Variants in PRICKLE1 observed in about 807,000 individuals in gnomAD.
PRICKLE1 encodes prickle-like protein 1.
A neutral mutation model predicts 70.2 loss-of-function variants in PRICKLE1; 14 were observed. The ratio of observed to expected loss-of-function variants is 0.20; its 90% CI spans 0.13 to 0.31. The LOEUF (loss-of-function observed/expected upper bound fraction) is 0.31. Ranked by LOEUF, PRICKLE1 falls within the 10% of genes least tolerant of loss-of-function variation. The pLI, the probability that PRICKLE1 is intolerant of heterozygous loss-of-function variation, is 1.00. For missense variants in PRICKLE1, 821 were observed against 1,026.2 expected, an observed-to-expected ratio of 0.80 and a Z score of 2.73; for synonymous variants, 357 against 379.9, an observed-to-expected ratio of 0.94 and a Z score of 0.70.
intron 1 of PRICKLE1, among the ~76,000 whole-genome samples, chr12:42,573,345 G>A (rs1940753518): frequency 6.6e-6 from 1 of 152,092 alleles, no homozygotes; most frequent in South Asian, 2.1e-4. Context: ...GCGCTGGGCT[G>A]CTTTAGAGGC....
chr12:42,459,145 AT>A lies in PRICKLE1; in HGVS notation c.*663del. The A allele has an allele frequency of 1.8e-6, 1 of 549,118 alleles. No individual in the cohort carries two copies. The highest frequency in any genetic ancestry group is 3.2e-6 in the Non-Finnish European group (1 of 307,706). 34.0% of individuals were successfully genotyped at this position (549,118 alleles called of 1,614,324 possible). On this transcript the variant is annotated 3_prime_UTR_variant, in exon 8 of 8. Transcript: ENST00000345127. ...CGGCTTACAATTCAGGGATATAAAA[AT>A]ATCAGCTTTAAAATCTGAACTGTAC...
intron 1 of PRICKLE1, among the ~76,000 whole-genome samples, chr12:42,564,636 C>A (rs116160172): frequency 2.2e-3 from 330 of 152,200 alleles, no homozygotes; most frequent in African/African-American, 7.8e-3. Context: ...AGAAATCTTT[C>A]TTGAGGTCAT....
intron 1 of PRICKLE1, among the ~76,000 whole-genome samples, chr12:42,497,898 T>C (rs1273868497): frequency 6.6e-6 from 1 of 152,200 alleles, no homozygotes; most frequent in Non-Finnish European, 1.5e-5. Context: ...GTCCCCACCC[T>C]GGACACGACC....
chr12:42,502,903 A>T lies in PRICKLE1; in HGVS notation c.-48-30339T>A, dbSNP rs115041694. On this transcript the variant is annotated intron_variant, in intron 1 of 7. Transcript: ENST00000345127. ...TTGAGGAGGAAAAATCCAGCTTCCAAGAAGAGTATGCAAACTTGCAGTTAA... is the reference window on the plus strand; with the variant it reads ...TTGAGGAGGAAAAATCCAGCTTCCATGAAGAGTATGCAAACTTGCAGTTAA... Among the ~76,000 whole-genome samples the T allele has an allele frequency of 2.8e-3, 433 of 152,334 alleles. 4 individuals carry two copies. The highest frequency in any genetic ancestry group is 9.1e-3 in the African/African-American group (380 of 41,590).
intron 1 of PRICKLE1, among the ~76,000 whole-genome samples, chr12:42,526,753 CA>C (rs55654226): frequency 0.034 from 4,642 of 137,854 alleles, 128 homozygotes; most frequent in African/African-American, 0.084. Flanking sequence ...TCCTCTAAGC[CA>C]AAAAAAAAAA....
At chr12:42,469,818 A>G (rs938199043) in intron 3 of PRICKLE1, 1 of 554,880 alleles carries the variant, frequency 1.8e-6, no homozygotes, top group Non-Finnish European at 3.1e-6. Context: ...TTAATTGAAA[A>G]CCCTTATCAA....
At chr12:42,533,384 TG>T (rs1939958670) in intron 1 of PRICKLE1, among the ~76,000 whole-genome samples, 1 of 152,220 alleles carries the variant, frequency 6.6e-6, no homozygotes, top group African/African-American at 2.4e-5. Flanking sequence ...TACTTGTCTT[TG>T]TTCTGCGTTT....
rs1332559797 is a variant in PRICKLE1, at chr12:42,477,391, ATATATATATATACACATAT to A, written c.-48-4846_-48-4828del. On this transcript the variant is annotated intron_variant, in intron 1 of 7. Coordinates refer to ENST00000345127, the MANE Select transcript of PRICKLE1 (RefSeq NM_153026.3). Reference sequence around the variant, plus strand: ...CTGTCTCAAAACAAAACAAAACAAAATATATATATATACACATATTATATATATGTATATACATATGTAT... The same window carrying A: ...CTGTCTCAAAACAAAACAAAACAAAATATATATATGTATATACATATGTAT... Among the ~76,000 whole-genome samples, 7 of 19,800 alleles carry A rather than the reference ATATATATATATACACATAT, an allele frequency of 3.5e-4. No homozygotes were observed. The Admixed American group carries it at 4.4e-3, about 13-fold the overall frequency. The allele number at this position is 19,800 out of a possible 152,430, so 13.0% of individuals were successfully genotyped here.
chr12:42,521,056 A>T (rs1294740761), intron 1 of PRICKLE1, among the ~76,000 whole-genome samples: 1 of 152,160 alleles, frequency 6.6e-6, no homozygotes, highest in Non-Finnish European at 1.5e-5. Context: ...CTGTAATCCC[A>T]ACTACTCAGG....
rs367700485 is a variant in PRICKLE1 at position 42,477,264 on chromosome 12, C to T, written c.-48-4700G>A. Among the ~76,000 whole-genome samples, 587 of 151,410 alleles carry T rather than the reference C, an allele frequency of 3.9e-3. 5 individuals carry two copies. Among genetic ancestry groups the T allele is most frequent in the Non-Finnish European group, 5.5e-3 (373 of 67,840 alleles). On this transcript the variant is annotated intron_variant, in intron 1 of 7. Coordinates refer to ENST00000345127, the MANE Select transcript of PRICKLE1 (RefSeq NM_153026.3). ...GTGCACACCTGTAATCCCAGCTACT[C>T]GAGAGGCTGAGGCAGGAGAATCACT...
At chr12:42,583,539 T>C (rs897869926) in intron 1 of PRICKLE1, among the ~76,000 whole-genome samples, 1 of 152,186 alleles carries the variant, frequency 6.6e-6, no homozygotes, top group African/African-American at 2.4e-5. Flanking sequence ...AGGCCTCCAA[T>C]AGCATTAGTT....
chr12:42,563,924 T>A (rs1940573373), intron 1 of PRICKLE1, among the ~76,000 whole-genome samples: 4 of 151,558 alleles, frequency 2.6e-5, no homozygotes, highest in Admixed American at 2.6e-4. Context: ...AAGTGAAATA[T>A]CATCAAAAAA....
At chr12:42,463,320 GA>G (rs1181916482) in intron 7 of PRICKLE1, among the ~76,000 whole-genome samples, 1 of 150,970 alleles carries the variant, frequency 6.6e-6, no homozygotes, top group Non-Finnish European at 1.5e-5. Flanking sequence ...AAAAAACTAG[GA>G]AAAAAAAGAA....
At chr12:42,532,970 C>T (rs934995899) in intron 1 of PRICKLE1, among the ~76,000 whole-genome samples, 1 of 151,942 alleles carries the variant, frequency 6.6e-6, no homozygotes, top group African/African-American at 2.4e-5. Context: ...TCAGACTAGC[C>T]ACAATTCTAG....
At position 42,470,346 on chromosome 12, in the gene PRICKLE1, A is replaced by C; in HGVS notation, c.146T>G (p.Phe49Cys). ...AACTTTTTCCTCTGGTAAGCAAGCA[A>C]AATAGAGCTGGATCTGCAAAAGAGA... ...GLRPEQIQLY[F>C]ACLPEEKVPY... The change falls in exon 3 of 8, where the codon TTT (phenylalanine) becomes TGT (cysteine). Residue 49 changes from phenylalanine to cysteine, a missense_variant. By Grantham distance (205) the Phe-to-Cys change is radical. Coordinates refer to ENST00000345127, the MANE Select transcript of PRICKLE1 (RefSeq NM_153026.3). The C allele has an allele frequency of 6.2e-7, 1 of 1,610,850 alleles. No homozygotes were observed. Among genetic ancestry groups the C allele is most frequent in the South Asian group, 1.1e-5 (1 of 91,028 alleles).
At chr12:42,575,298 A>G (rs1028742070) in intron 1 of PRICKLE1, among the ~76,000 whole-genome samples, 2 of 152,216 alleles carry the variant, frequency 1.3e-5, no homozygotes, top group African/African-American at 4.8e-5. Context: ...CAGGATTACA[A>G]TAAAAGTTGT....
Position 42,460,633 on chromosome 12 carries a change from G to A in PRICKLE1, c.1672C>T (p.Pro558Ser). ...AAATTTTGCAGAGAATACAATGATGGCCTTGGCTTGTTTTCTCCATCCACC... is the reference window on the plus strand; with the variant it reads ...AAATTTTGCAGAGAATACAATGATGACCTTGGCTTGTTTTCTCCATCCACC... ...ASVDGENKPR[P>S]SLYSLQNFEE... is the part of the protein sequence containing the mutation. The change falls in exon 8 of 8, where the codon CCA becomes TCA. Residue 558 changes from proline (P) to serine (S), a missense_variant. Physicochemically the swap from Pro to Ser is moderately conservative, Grantham distance 74 (BLOSUM62 -1). Coordinates refer to ENST00000345127, the MANE Select transcript of PRICKLE1 (RefSeq NM_153026.3). 6.2e-7 allele frequency: 1 copy of A among 1,611,590 alleles called. No homozygotes were observed. The highest frequency in any genetic ancestry group is 1.1e-5 in the South Asian group (1 of 91,086).
At chr12:42,549,119 CA>C (rs34355848) in intron 1 of PRICKLE1, among the ~76,000 whole-genome samples, 1,181 of 53,876 alleles carry the variant, frequency 0.022, 1 homozygote, top group Non-Finnish European at 0.029. Flanking sequence ...ACCCTGTCTC[CA>C]AAAAAAAAAA....
chr12:42,588,655 C>T (rs1030299263), intron 1 of PRICKLE1, among the ~76,000 whole-genome samples: 41 of 152,102 alleles, frequency 2.7e-4, no homozygotes, highest in Non-Finnish European at 1.2e-4. Flanking sequence ...CAAGCTGGAA[C>T]TAAGCGTGAT....
Sources: allele counts gnomAD v4.1 joint callset (sites outside exome capture counted in the v4.1 genomes callset), GRCh38; gene constraint gnomAD v4.1.1; transcripts MANE v1.5; gene names NCBI Gene and HGNC (gene_info 2026-07-23, HGNC 2026-07-21).